The following SLC9A2 variants were observed in gnomAD, a reference collection of about 807,000 sequenced individuals.
SLC9A2 encodes sodium/hydrogen exchanger 2.
In SLC9A2, 42 loss-of-function variants were observed where a neutral mutation model predicts 71.7. The observed-to-expected ratio is 0.59, with a 90% CI of 0.46 to 0.76. SLC9A2 has a LOEUF of 0.76. Among genes scored for constraint, SLC9A2 ranks in the 30% least tolerant of loss-of-function variants. The probability of loss-of-function intolerance (pLI) is 0.00; values close to 1 mark genes in which losing one functional copy is unlikely to be tolerated. For missense variants in SLC9A2, 829 were observed against 1,017.4 expected (o/e 0.81, Z 2.52); for synonymous variants, 396 against 392.5 (o/e 1.01, Z -0.10).
intron 1 of SLC9A2, among the ~76,000 whole-genome samples, chr2:102,630,471 TTTTA>T (rs771989088): frequency 1.3e-5 from 2 of 152,012 alleles, no homozygotes; most frequent in Non-Finnish European, 2.9e-5. Context: ...ATGTCTCTGG[TTTTA>T]TTTAAGTTTT....
intron 1 of SLC9A2, among the ~76,000 whole-genome samples, chr2:102,655,860 C>T (rs1676929458): frequency 6.6e-6 from 1 of 152,188 alleles, no homozygotes; most frequent in East Asian, 1.9e-4. Flanking sequence ...CTTCTTGTTT[C>T]AGCCTCACAT....
intron 6 of SLC9A2, among the ~76,000 whole-genome samples, 160 bp from the exon 7 acceptor site, chr2:102,694,879 AGTTT>A (rs3079241): frequency 0.52 from 79,258 of 151,552 alleles, 21,200 homozygotes; most frequent in East Asian, 0.77. Context: ...ACACTTCATC[AGTTT>A]GTTTGAAAAT....
chr2:102,671,189 G>C (rs1229330979), intron 3 of SLC9A2, among the ~76,000 whole-genome samples: 1 of 152,052 alleles, frequency 6.6e-6, no homozygotes, highest in Admixed American at 6.6e-5. Context: ...TAGAGTCTTA[G>C]ATCTCTGGCT....
chr2:102,694,689 C>T (rs1677720553), intron 6 of SLC9A2, among the ~76,000 whole-genome samples, 186 bp downstream of exon 6: 1 of 152,118 alleles, frequency 6.6e-6, no homozygotes, highest in Non-Finnish European at 1.5e-5. Flanking sequence ...GTAACTTCTC[C>T]AGGTTAGCTT....
At chr2:102,651,638 G>T (rs1676837326) in intron 1 of SLC9A2, among the ~76,000 whole-genome samples, 1 of 152,166 alleles carries the variant, frequency 6.6e-6, no homozygotes, top group African/African-American at 2.4e-5. Flanking sequence ...CTCTGCTTTT[G>T]TCTGCAGTGC....
At chr2:102,643,627 A>G (rs907130156) in intron 1 of SLC9A2, among the ~76,000 whole-genome samples, 1 of 152,236 alleles carries the variant, frequency 6.6e-6, no homozygotes, top group African/African-American at 2.4e-5. Context: ...TTCTTCTGCT[A>G]TCTTTCAGAG....
chr2:102,620,586 A>G (rs1255064269), intron 1 of SLC9A2, among the ~76,000 whole-genome samples: 3 of 152,138 alleles, frequency 2.0e-5, no homozygotes, highest in African/African-American at 7.2e-5. Context: ...TGTGCGCCTG[A>G]CTAATGAGGT....
intron 1 of SLC9A2, among the ~76,000 whole-genome samples, chr2:102,628,625 T>C (rs562350623): frequency 2.0e-5 from 3 of 152,120 alleles, no homozygotes; most frequent in Non-Finnish European, 2.9e-5. Context: ...TCGGTATTTT[T>C]AAACCCCCTT....
At chr2:102,694,896 A>G in intron 6 of SLC9A2, 147 bp from the exon 7 acceptor site, 1 of 647,284 alleles carries the variant, frequency 1.5e-6, no homozygotes. Context: ...TTGAAAATGA[A>G]CTGTTTTATT....
At chr2:102,632,025 TATATATATATATAC>T (rs1365374543) in intron 1 of SLC9A2, among the ~76,000 whole-genome samples, 21 of 89,230 alleles carry the variant, frequency 2.4e-4, no homozygotes, top group African/African-American at 8.4e-4. Flanking sequence ...TATATATATA[TATATATATATATAC>T]ATACACACAC....
chr2:102,675,238 A>G (rs1677327386), intron 3 of SLC9A2, among the ~76,000 whole-genome samples: 1 of 152,150 alleles, frequency 6.6e-6, no homozygotes, highest in Non-Finnish European at 1.5e-5. Flanking sequence ...CTCAGTGATG[A>G]GAAGAGGGAC....
At chr2:102,666,373 A>G (rs1677142496) in intron 3 of SLC9A2, among the ~76,000 whole-genome samples, 1 of 151,484 alleles carries the variant, frequency 6.6e-6, no homozygotes, top group African/African-American at 2.4e-5. Flanking sequence ...TTTTTTTTGT[A>G]TTTTTAGTAG....
At chr2:102,699,554 T>C (rs1478973293) in intron 7 of SLC9A2, among the ~76,000 whole-genome samples, 1 of 152,184 alleles carries the variant, frequency 6.6e-6, no homozygotes, top group Non-Finnish European at 1.5e-5. Flanking sequence ...AATGATGTCT[T>C]GGACCTGGGT....
In SLC9A2 at chr2:102,705,830, T is replaced by G; in HGVS notation, c.1978-16T>G. ...CATTTGTATAGTTTAAGTAAGATTT[T>G]ATATTTCTTTTACAGGCTTCCACTT... is the stretch of plus-strand genomic sequence containing the variant. On this transcript the variant is annotated splice_polypyrimidine_tract_variant and intron_variant, in intron 10 of 11. Transcript: ENST00000233969. 6.6e-7 allele frequency: 1 copy of G among 1,505,316 alleles called. No homozygotes were observed. The highest frequency in any genetic ancestry group is 9.1e-7 in the Non-Finnish European group (1 of 1,099,056). The allele number at this position is 1,505,316 out of a possible 1,614,324, so 93.2% of individuals were successfully genotyped here. A position where few individuals can be genotyped will look rare whatever the true frequency, so the allele number is the denominator to read the frequency against.
chr2:102,678,998 A>T (rs1421010660), intron 3 of SLC9A2, among the ~76,000 whole-genome samples: 1 of 152,204 alleles, frequency 6.6e-6, no homozygotes, highest in African/African-American at 2.4e-5. Flanking sequence ...GCAACAAAAA[A>T]ATCTCTTTGC....
chr2:102,644,988 C>T (rs1181972264), intron 1 of SLC9A2, among the ~76,000 whole-genome samples: 2 of 152,158 alleles, frequency 1.3e-5, no homozygotes, highest in Admixed American at 6.5e-5. Flanking sequence ...CCCTGACCCC[C>T]GTGGCTCCTG....
intron 2 of SLC9A2, among the ~76,000 whole-genome samples, chr2:102,664,096 T>G (rs915095512): frequency 2.6e-5 from 4 of 151,936 alleles, no homozygotes; most frequent in African/African-American, 9.7e-5. Flanking sequence ...GCCAACATCA[T>G]GAGACCCCAT....
intron 1 of SLC9A2, among the ~76,000 whole-genome samples, chr2:102,631,925 A>G (rs1205382561): frequency 6.8e-6 from 1 of 147,682 alleles, no homozygotes; most frequent in African/African-American, 2.5e-5. Flanking sequence ...CACATCTGCC[A>G]TTAACTTGGT....
At position 102,683,282 on chromosome 2, in the gene SLC9A2, T is replaced by TATGA; in HGVS notation, c.1029_1032dup (p.Lys345GlufsTer2). On this transcript the variant is annotated frameshift_variant, in exon 4 of 12. Coordinates refer to ENST00000233969, the MANE Select transcript of SLC9A2 (RefSeq NM_003048.6). LOFTEE classifies it high-confidence loss of function. ...TCAGAATCACTGCTTGTGCAATGAC[T>TATGA]ATGAATAAGTACGTAGAAGAAAATG... is the stretch of plus-strand genomic sequence containing the variant. The TATGA allele has an allele frequency of 6.2e-7, 1 of 1,613,032 alleles. No homozygotes were observed. Among genetic ancestry groups the TATGA allele is most frequent in the Non-Finnish European group, 8.5e-7 (1 of 1,179,030 alleles).
Sources: gnomAD v4.1 joint callset for allele counts (sites outside exome capture counted in the v4.1 genomes callset) on GRCh38, gnomAD v4.1.1 for gene constraint, MANE v1.5 for transcripts, NCBI Gene and HGNC (gene_info 2026-07-23, HGNC 2026-07-21) for gene names.